Variants in AK9 observed in about 807,000 individuals in gnomAD.
The protein encoded by AK9 is adenylate kinase domain containing 1.
Under a neutral mutation model 239.6 loss-of-function variants are expected in AK9, and 191 were observed. The ratio of observed to expected loss-of-function variants is 0.80; its 90% CI spans 0.71 to 0.90. AK9 has a LOEUF of 0.90. Among genes scored for constraint, AK9 ranks in the 40% least tolerant of loss-of-function variants. The probability of loss-of-function intolerance (pLI) is 0.00; values close to 1 mark genes in which losing one functional copy is unlikely to be tolerated. For synonymous variants in AK9, 689 were observed against 721.0 expected (o/e 0.96, Z 0.71); for missense variants, 1,995 against 2,214.7 (o/e 0.90, Z 1.99).
chr6:109,585,825 G>T, intron 18 of AK9, 91 bp downstream of exon 18: 1 of 1,220,714 alleles, frequency 8.2e-7, no homozygotes, highest in Non-Finnish European at 1.1e-6. Flanking sequence ...TTTCTATCTA[G>T]GAAGAGTGGA....
intron 23 of AK9, 40 bp downstream of exon 23, chr6:109,564,039 CA>C: frequency 3.3e-6 from 5 of 1,504,150 alleles, no homozygotes; most frequent in Non-Finnish European, 4.5e-6. Context: ...CTAATACTAT[CA>C]CCTGCTGTTG....
intron 27 of AK9, among the ~76,000 whole-genome samples, chr6:109,533,783 C>G (rs561692054): frequency 6.6e-6 from 1 of 151,756 alleles, no homozygotes; most frequent in African/African-American, 2.4e-5. Context: ...TTATAATATT[C>G]CATACATATA....
At chr6:109,506,573 G>C in intron 34 of AK9, 26 bp from the exon 35 acceptor site, 2 of 1,549,466 alleles carry the variant, frequency 1.3e-6, no homozygotes, top group Non-Finnish European at 1.8e-6. Flanking sequence ...AGAAGGAATG[G>C]AAAAAGCTGT....
In AK9 at chr6:109,656,954, C is replaced by T. The variant is rs149000886; in HGVS notation, c.631-70G>A. ...TATTCAATTTACAAGCCATATTCCC[C>T]ACTCCTTACACCTAGATATCATTTT... On this transcript the variant is annotated intron_variant, in intron 7 of 40. Coordinates refer to ENST00000424296, the MANE Select transcript of AK9 (RefSeq NM_001145128.3). The T allele has an allele frequency of 1.8e-3, 2,785 of 1,539,990 alleles. 61 individuals carry two copies. In the South Asian group the frequency reaches 0.022, roughly 12 times the overall value.
intron 10 of AK9, among the ~76,000 whole-genome samples, chr6:109,638,626 T>G (rs554320131): frequency 5.9e-5 from 9 of 152,302 alleles, no homozygotes; most frequent in African/African-American, 2.2e-4. Context: ...ACGATGGGCA[T>G]GTGCTATCAC....
chr6:109,597,491 T>A (rs1476562075), intron 17 of AK9, among the ~76,000 whole-genome samples: 1 of 151,960 alleles, frequency 6.6e-6, no homozygotes, highest in South Asian at 2.1e-4. Flanking sequence ...GCTAACATGG[T>A]GAAACCCCAT....
intron 35 of AK9, among the ~76,000 whole-genome samples, chr6:109,500,072 C>CA (rs1777457379): frequency 6.7e-6 from 1 of 149,786 alleles, no homozygotes; most frequent in South Asian, 2.1e-4. Flanking sequence ...CACACACACA[C>CA]AATTTATACC....
intron 25 of AK9, among the ~76,000 whole-genome samples, chr6:109,547,818 T>A (rs1783770440): frequency 1.7e-5 from 2 of 114,940 alleles, no homozygotes; most frequent in Non-Finnish European, 3.5e-5. Flanking sequence ...ATAACCAGAA[T>A]ATATAAAGAA....
intron 17 of AK9, among the ~76,000 whole-genome samples, chr6:109,600,289 G>C (rs576047059): frequency 1.7e-4 from 25 of 151,032 alleles, no homozygotes; most frequent in Admixed American, 5.3e-4. Context: ...TAGCATGAAG[G>C]GCTGTTGAAT....
intron 27 of AK9, among the ~76,000 whole-genome samples, chr6:109,534,263 A>G (rs1037904016): frequency 6.7e-6 from 1 of 150,240 alleles, no homozygotes; most frequent in Non-Finnish European, 1.5e-5. Flanking sequence ...AATAACTGGA[A>G]TGTTAATTAG....
intron 27 of AK9, among the ~76,000 whole-genome samples, chr6:109,536,510 T>C (rs550882369): frequency 2.6e-5 from 4 of 152,290 alleles, no homozygotes; most frequent in Non-Finnish European, 5.9e-5. Flanking sequence ...GGGGCTGAGA[T>C]GATGGGGTTT....
At chr6:109,527,770 A>G (rs1194137699) in intron 29 of AK9, 1 of 152,236 alleles carries the variant, frequency 6.6e-6, no homozygotes, top group African/African-American at 2.4e-5. Context: ...TAACCTCTAC[A>G]TAGAATATTG....
intron 1 of AK9, among the ~76,000 whole-genome samples, chr6:109,688,163 G>A (rs1412055243): frequency 1.3e-5 from 2 of 151,898 alleles, no homozygotes; most frequent in South Asian, 2.1e-4. Context: ...CCCTCAATAC[G>A]GTACAACCCC....
chr6:109,651,342 CAGA>C (rs1438684958), intron 8 of AK9, among the ~76,000 whole-genome samples: 1 of 151,988 alleles, frequency 6.6e-6, no homozygotes, highest in African/African-American at 2.4e-5. Context: ...GAAATGAAGG[CAGA>C]AATAAAGATG....
At chr6:109,671,873 T>C (rs769976214) in intron 5 of AK9, 46 bp downstream of exon 5, 4 of 1,574,686 alleles carry the variant, frequency 2.5e-6, no homozygotes, top group Admixed American at 3.5e-5. Context: ...AAAGCATGAG[T>C]TTTAAGGCTG....
At chr6:109,510,425 G>GACAGAACAACCAGTTGCAGAGAGGA (rs1211670859) in intron 32 of AK9, among the ~76,000 whole-genome samples, 1 of 151,986 alleles carries the variant, frequency 6.6e-6, no homozygotes, top group African/African-American at 2.4e-5. Context: ...AGCTGGAGAT[G>GACAGAACAACCAGTTGCAGAGAGGA]ACAGAACAAC....
intron 8 of AK9, among the ~76,000 whole-genome samples, chr6:109,647,814 T>G (rs1325439546): frequency 7.4e-6 from 1 of 134,270 alleles, no homozygotes; most frequent in Non-Finnish European, 1.7e-5. Flanking sequence ...CCACACCTAC[T>G]CCAAAACTGA....
At chr6:109,612,605 C>T (rs1054890256) in intron 15 of AK9, among the ~76,000 whole-genome samples, 1 of 152,002 alleles carries the variant, frequency 6.6e-6, no homozygotes, top group African/African-American at 2.4e-5. Context: ...TGTCAGCTGC[C>T]ATCTGATGGT....
At chr6:109,550,468 C>T (rs1784229506) in intron 24 of AK9, 166 bp from the exon 25 acceptor site, 3 of 556,360 alleles carry the variant, frequency 5.4e-6, no homozygotes, top group Admixed American at 3.7e-5. Context: ...ATCAGTTTCT[C>T]ATATATTACT....
Sources: gnomAD v4.1 joint callset for allele counts (sites outside exome capture counted in the v4.1 genomes callset) on GRCh38, gnomAD v4.1.1 for gene constraint, MANE v1.5 for transcripts, NCBI Gene and HGNC (gene_info 2026-07-23, HGNC 2026-07-21) for gene names.